The following ANKRD2 variants were observed in gnomAD, a reference collection of about 807,000 sequenced individuals.
ANKRD2 encodes the protein ankyrin repeat domain-containing protein 2.
A neutral mutation model predicts 37.3 loss-of-function variants in ANKRD2; 35 were observed. That is an observed-to-expected ratio of 0.94 (90% CI 0.72 to 1.24). The LOEUF (loss-of-function observed/expected upper bound fraction) is 1.24. ANKRD2 is among the 50% of genes most tolerant of loss of function. The pLI is 0.00. For missense variants in ANKRD2, 410 were observed against 445.6 expected (o/e 0.92, Z 0.72); for synonymous variants, 159 against 186.5 (o/e 0.85, Z 1.20).
chr10:97,581,725 T>G (rs1174770109), intron 6 of ANKRD2, among the ~76,000 whole-genome samples: 1 of 152,222 alleles, frequency 6.6e-6, no homozygotes, highest in Non-Finnish European at 1.5e-5. Flanking sequence ...TTTGTTCATG[T>G]TATCTGTCAT....
upstream of ANKRD2, chr10:97,572,734 GGTGGGTGC>G: frequency 1.2e-6 from 2 of 1,604,946 alleles, no homozygotes; most frequent in Middle Eastern, 2.0e-4. Flanking sequence ...GCTGGGCAGG[GGTGGGTGC>G]TCTGGCCTAT....
chr10:97,581,496 G>C, intron 6 of ANKRD2, 82 bp downstream of exon 6: 1 of 1,403,900 alleles, frequency 7.1e-7, no homozygotes. Context: ...GGAAAGCCTA[G>C]GGGGCAGGAA....
At position 97,578,596 on chromosome 10, in the gene ANKRD2, G is replaced by T. The variant is rs1453084329; in HGVS notation, c.447G>T (p.Thr149=). The change falls in exon 4 of 9, where the codon ACG becomes ACT. Residue 149 remains threonine (T), a synonymous_variant. Transcript: ENST00000370655. ...TGGCTGACGGGGGGTCAGCCGACAC[G>T]TGCGACCAGGTGATGCTCCTAGCCG... ...KFLADGGSAD[T]CDQFRRTALH... 2.6e-6 allele frequency: 4 copies of T among 1,555,026 alleles called. No individual in the cohort carries two copies. The South Asian group carries it at 4.8e-5, about 18-fold the overall frequency.
intron 7 of ANKRD2, 39 bp downstream of exon 7, chr10:97,582,452 G>A: frequency 6.3e-7 from 1 of 1,594,242 alleles, no homozygotes; most frequent in Admixed American, 1.8e-5. Context: ...CGCCATGGGT[G>A]TGTGGGCAGC....
chr10:97,578,309 A>C lies in ANKRD2; in HGVS notation c.259A>C (p.Asn87His). 3 of 1,613,180 alleles carry C rather than the reference A, an allele frequency of 1.9e-6. No homozygotes were observed. The highest frequency in any genetic ancestry group is 2.5e-6 in the Non-Finnish European group (3 of 1,179,934). Residue 87 changes from asparagine to histidine, a missense_variant, in exon 3 of 9, where the codon AAC (asparagine) becomes CAC (histidine). Coordinates refer to ENST00000370655, the MANE Select transcript of ANKRD2 (RefSeq NM_001346793.2). ...GATCATCGATGTGGGCGGGATCCAG[A>C]ACCTCATCGAGCTGCGGAAGAAACG... is the stretch of plus-strand genomic sequence containing the variant. Reference protein sequence around the residue: ...REIIDVGGIQNLIELRKKRKQ... With the variant: ...REIIDVGGIQHLIELRKKRKQ...
In ANKRD2 at chr10:97,578,255, C is replaced by G. The variant is rs369179658; in HGVS notation, c.205C>G (p.Arg69Gly). 37 of 1,604,468 alleles carry G rather than the reference C, an allele frequency of 2.3e-5. No homozygotes were observed. Among genetic ancestry groups the G allele is most frequent in the Non-Finnish European group, 3.1e-5 (37 of 1,175,244 alleles). The change falls in exon 3 of 9, where the codon CGC becomes GGC. Residue 69 changes from arginine (R) to glycine (G), a missense_variant. Arg to Gly is a moderately radical substitution (Grantham distance 125, BLOSUM62 -2). Transcript: ENST00000370655. ...LQKVKGQERV[R>G]KTSLDLRREI... ...TCCCGCGCAGGGCCAAGAGCGCGTG[C>G]GCAAGACGTCCCTGGACCTGCGGCG...
intron 1 of ANKRD2, among the ~76,000 whole-genome samples, chr10:97,576,217 G>A (rs1589891025): frequency 6.6e-6 from 1 of 152,190 alleles, no homozygotes; most frequent in East Asian, 1.9e-4. Context: ...TGTAAGGGTG[G>A]CCTCCTTCCC....
upstream of ANKRD2, chr10:97,572,741 G>A (rs746966764): frequency 1.6e-5 from 26 of 1,604,860 alleles, no homozygotes; most frequent in African/African-American, 3.2e-4. Context: ...AGGGGTGGGT[G>A]CTCTGGCCTA....
chr10:97,582,509 CT>C (rs2040912169), intron 7 of ANKRD2, 94 bp from the exon 8 acceptor site: 1 of 1,559,126 alleles, frequency 6.4e-7, no homozygotes, highest in Admixed American at 1.7e-5. Flanking sequence ...GCCTTCAGGA[CT>C]TGGCTCCTGA....
At position 97,578,402 on chromosome 10, in the gene ANKRD2, A is replaced by C. The variant is rs750969047; in HGVS notation, c.348+4A>C. On this transcript the variant is annotated splice_donor_region_variant and intron_variant, in intron 3 of 8. Coordinates refer to ENST00000370655, the MANE Select transcript of ANKRD2 (RefSeq NM_001346793.2). The stretch of plus-strand genomic sequence containing the variant: ...GCCCCCAGAGCCCGAGGAGATCGTA[A>C]GGGTCCTGGGGAGGACACCGCGAGG... 1 of 1,613,706 alleles carries C rather than the reference A, an allele frequency of 6.2e-7. No individual in the cohort carries two copies. Among genetic ancestry groups the C allele is most frequent in the Non-Finnish European group, 8.5e-7 (1 of 1,179,810 alleles).
In ANKRD2 at chr10:97,578,612, C is replaced by T. The variant is rs2040860131; in HGVS notation, c.456+7C>T. ...AGCCGACACGTGCGACCAGGTGATG[C>T]TCCTAGCCGCCCCTGACCAGCCTCC... On this transcript the variant is annotated splice_region_variant and intron_variant, in intron 4 of 8. Transcript: ENST00000370655. 1.9e-6 allele frequency: 3 copies of T among 1,545,474 alleles called. No homozygotes were observed. The highest frequency in any genetic ancestry group is 2.6e-6 in the Non-Finnish European group (3 of 1,143,048).
At chr10:97,578,164 CAGCTTAGCTCAGAGGTCTCCCAAG>C in intron 2 of ANKRD2, 52 bp from the exon 3 acceptor site, 7 of 1,387,658 alleles carry the variant, frequency 5.0e-6, no homozygotes, top group Admixed American at 2.1e-5. Flanking sequence ...CCCTCCCCAC[CAGCTTAGCTCAGAGGTCTCCCAAG>C]CCCCCCAAAC....
At chr10:97,579,453 T>C (rs987055462) in intron 4 of ANKRD2, among the ~76,000 whole-genome samples, 1 of 151,944 alleles carries the variant, frequency 6.6e-6, no homozygotes, top group African/African-American at 2.4e-5. Flanking sequence ...ATTACAGGCT[T>C]GAACCACCAC....
Position 97,578,368 on chromosome 10 carries a change from G to C in ANKRD2, c.318G>C (p.Ser106=), listed in dbSNP as rs141942177. The change falls in exon 3 of 9, where the codon TCG becomes TCC. Residue 106 remains serine, a synonymous_variant. Coordinates refer to ENST00000370655, the MANE Select transcript of ANKRD2 (RefSeq NM_001346793.2). ...AGAAGCGGGACGCTCTGGCCGCCTC[G>C]CATGAGCCGCCCCCAGAGCCCGAGG... The part of the protein sequence containing the change: ...KQKKRDALAA[S]HEPPPEPEEI... 8.4e-5 allele frequency: 135 copies of C among 1,613,642 alleles called. No homozygotes were observed. Among genetic ancestry groups the C allele is most frequent in the Non-Finnish European group, 1.1e-4 (125 of 1,179,914 alleles).
In ANKRD2 at chr10:97,582,432, G is replaced by T. The variant is rs376555071; in HGVS notation, c.753+19G>T. On this transcript the variant is annotated intron_variant, in intron 7 of 8. Transcript: ENST00000370655. Reference sequence around the variant, plus strand: ...AGACAGGGTGAGTGCTAGCCTGTCCGCTGCTCACCCGCCATGGGTGTGTGG... The same window carrying T: ...AGACAGGGTGAGTGCTAGCCTGTCCTCTGCTCACCCGCCATGGGTGTGTGG... The T allele has an allele frequency of 1.9e-6, 3 of 1,577,484 alleles. No homozygotes were observed. Among genetic ancestry groups the T allele is most frequent in the Non-Finnish European group, 2.6e-6 (3 of 1,161,394 alleles).
chr10:97,572,607 C>T (rs906902618), upstream of ANKRD2: 65 of 1,406,508 alleles, frequency 4.6e-5, no homozygotes, highest in Non-Finnish European at 5.9e-5. Context: ...GGGGGGGCAA[C>T]TGGCTCTGCT....
rs1011547080 is a variant in ANKRD2, at chr10:97,577,844, G to C, written c.132G>C (p.Leu44=). The C allele has an allele frequency of 2.5e-6, 4 of 1,574,010 alleles. No individual in the cohort carries two copies. The highest frequency in any genetic ancestry group is 3.4e-6 in the Non-Finnish European group (4 of 1,159,838). ...DARQKLPMDL[L]VLEDEKHHGA... ...GCCAGAAGCTGCCCATGGACTTGCT[G>C]GTGCTGGAGGATGAGAAGCACCACG... is the stretch of plus-strand genomic sequence containing the variant. Residue 44 remains leucine (L), a synonymous_variant, in exon 2 of 9, where the codon CTG becomes CTC. Transcript: ENST00000370655.
chr10:97,579,887 G>C (rs545735513), intron 4 of ANKRD2, among the ~76,000 whole-genome samples: 1 of 152,126 alleles, frequency 6.6e-6, no homozygotes, highest in African/African-American at 2.4e-5. Context: ...ATGAGCCACC[G>C]TGTCCGGCCC....
chr10:97,578,424 G>A (rs769036178), intron 3 of ANKRD2, 26 bp downstream of exon 3: 2 of 1,611,522 alleles, frequency 1.2e-6, no homozygotes, highest in Admixed American at 3.4e-5. Flanking sequence ...AGGACACCGC[G>A]AGGGGGCGGA....
Sources: gnomAD v4.1 joint callset for allele counts (sites outside exome capture counted in the v4.1 genomes callset) on GRCh38, gnomAD v4.1.1 for gene constraint, MANE v1.5 for transcripts, NCBI Gene and HGNC (gene_info 2026-07-23, HGNC 2026-07-21) for gene names.